Variants in ANKFN1 observed in about 807,000 individuals in gnomAD.
The protein encoded by ANKFN1 is ankyrin repeat and fibronectin type III domain containing 1.
A neutral mutation model predicts 108.7 loss-of-function variants in ANKFN1; 74 were observed. That is an observed-to-expected ratio of 0.68 (90% CI 0.56 to 0.83). The LOEUF is 0.83. Ranked by LOEUF, ANKFN1 falls within the 40% of genes least tolerant of loss-of-function variation. The probability of loss-of-function intolerance (pLI) is 0.00; values close to 1 mark genes in which losing one functional copy is unlikely to be tolerated. For synonymous variants in ANKFN1, 547 were observed against 516.2 expected (o/e 1.06, Z -0.81); for missense variants, 1,505 against 1,382.3 (o/e 1.09, Z -1.41).
chr17:56,087,427 C>T (rs1375446009), intron 4 of ANKFN1, among the ~76,000 whole-genome samples: 1 of 151,330 alleles, frequency 6.6e-6, no homozygotes, highest in Non-Finnish European at 1.5e-5. Context: ...GTTTCTTTAT[C>T]CGGGCAGTGT....
intron 8 of ANKFN1, among the ~76,000 whole-genome samples, chr17:56,377,322 T>A (rs954791814): frequency 6.6e-6 from 1 of 152,222 alleles, no homozygotes. Context: ...TTTAAGAGCA[T>A]CACTTTTTAA....
chr17:56,110,094 T>C lies in ANKFN1; in HGVS notation c.288+63769T>C, dbSNP rs144563190. On this transcript the variant is annotated intron_variant, in intron 4 of 12. Coordinates refer to the ANKFN1 transcript ENST00000635860. ...CCAATATTGTTGGCCAGTTGAAGAT[T>C]CCTGTTATTATTTAACAACAACAGC... is the stretch of plus-strand genomic sequence containing the variant. Among the ~76,000 whole-genome samples the C allele has an allele frequency of 9.2e-5, 14 of 152,332 alleles. No homozygotes were observed. In the East Asian group the frequency reaches 2.5e-3, roughly 27 times the overall value.
chr17:56,203,028 C>G (rs1014791845), intron 1 of ANKFN1, among the ~76,000 whole-genome samples: 3 of 152,092 alleles, frequency 2.0e-5, no homozygotes, highest in Non-Finnish European at 4.4e-5. Flanking sequence ...TCTAAACTTT[C>G]TGTAACTGCT....
At chr17:56,358,720 G>A (rs753353326) in intron 6 of ANKFN1, among the ~76,000 whole-genome samples, 35 of 152,134 alleles carry the variant, frequency 2.3e-4, no homozygotes, top group Middle Eastern at 3.2e-3. Context: ...TGAAAGGACT[G>A]CAACTAGGAA....
intron 8 of ANKFN1, among the ~76,000 whole-genome samples, chr17:56,384,141 G>C (rs2047189529): frequency 6.6e-6 from 1 of 152,082 alleles, no homozygotes; most frequent in Admixed American, 6.6e-5. Flanking sequence ...TGATCAAGTG[G>C]GCTTCATCCC....
At chr17:56,429,705 A>C (rs2048691191) in intron 8 of ANKFN1, among the ~76,000 whole-genome samples, 1 of 152,138 alleles carries the variant, frequency 6.6e-6, no homozygotes. Context: ...TTGTGATAGG[A>C]TTTATGCTTT....
chr17:56,333,933 C>T (rs1456601987), intron 4 of ANKFN1, among the ~76,000 whole-genome samples: 3 of 152,070 alleles, frequency 2.0e-5, no homozygotes, highest in African/African-American at 4.8e-5. Context: ...TTTGACCAAC[C>T]GTGTGTTTCC....
At chr17:56,466,594 C>T (rs1029940474) in intron 15 of ANKFN1, 23 bp downstream of exon 15, 1 of 1,565,650 alleles carries the variant, frequency 6.4e-7, no homozygotes, top group Non-Finnish European at 8.7e-7. Context: ...TTTCTTAATT[C>T]CCGGGTATAC....
chr17:56,094,727 G>A lies in ANKFN1; in HGVS notation c.288+48402G>A, dbSNP rs375221080. Among the ~76,000 whole-genome samples, 184 of 131,858 alleles carry A rather than the reference G, an allele frequency of 1.4e-3. 3 individuals carry two copies. The highest frequency in any genetic ancestry group is 0.011 in the East Asian group (52 of 4,862). 86.5% of individuals were successfully genotyped at this position (131,858 alleles called of 152,430 possible). On this transcript the variant is annotated intron_variant, in intron 4 of 12. Coordinates refer to the ANKFN1 transcript ENST00000635860. ...AGTAGAGACGGGGTTTCACCATGTT[G>A]GCCAGGATGGTCTTGATCTCCTGAC...
chr17:56,341,998 C>T (rs1344488588), intron 4 of ANKFN1, among the ~76,000 whole-genome samples: 1 of 151,696 alleles, frequency 6.6e-6, no homozygotes, highest in East Asian at 1.9e-4. Flanking sequence ...TTATTGGCCT[C>T]TTCAGGGATT....
intron 3 of ANKFN1, among the ~76,000 whole-genome samples, chr17:56,284,427 G>A (rs1486629014): frequency 6.6e-6 from 1 of 151,900 alleles, no homozygotes; most frequent in African/African-American, 2.4e-5. Context: ...TTCTTCACAA[G>A]TAAACACATA....
chr17:56,227,259 G>C (rs1029476425), intron 2 of ANKFN1, among the ~76,000 whole-genome samples: 1 of 152,054 alleles, frequency 6.6e-6, no homozygotes, highest in African/African-American at 2.4e-5. Context: ...GAATTGTCTG[G>C]TGGGCTGCCA....
At position 56,122,549 on chromosome 17, in the gene ANKFN1, C is replaced by T. The variant is rs1179649009; in HGVS notation, c.288+76224C>T. ...AATGGATAGATTGTTCATCCCTGTCCACATCTCAAACTCAGGATCCCACAG... is the reference window on the plus strand; with the variant it reads ...AATGGATAGATTGTTCATCCCTGTCTACATCTCAAACTCAGGATCCCACAG... On this transcript the variant is annotated intron_variant, in intron 4 of 12. Coordinates refer to the ANKFN1 transcript ENST00000635860. 2.0e-5 allele frequency among the ~76,000 whole-genome samples: 3 copies of T among 152,064 alleles called. 1 individual carries two copies. Among genetic ancestry groups the T allele is most frequent in the Non-Finnish European group, 4.4e-5 (3 of 68,020 alleles).
chr17:56,490,432 A>AAT (rs1338897095), intron 18 of ANKFN1, among the ~76,000 whole-genome samples: 1 of 151,952 alleles, frequency 6.6e-6, no homozygotes, highest in Non-Finnish European at 1.5e-5. Context: ...AAGGACTCAT[A>AAT]ATAAGTTCAG....
At chr17:56,115,534 T>C (rs1482406471) in intron 4 of ANKFN1, among the ~76,000 whole-genome samples, 1 of 152,158 alleles carries the variant, frequency 6.6e-6, no homozygotes, top group Admixed American at 6.5e-5. Context: ...GTAATAACCA[T>C]GCAGAAAACA....
chr17:56,315,747 C>T (rs2045185787), intron 3 of ANKFN1, among the ~76,000 whole-genome samples: 1 of 152,148 alleles, frequency 6.6e-6, no homozygotes, highest in African/African-American at 2.4e-5. Flanking sequence ...AGACTCTGCT[C>T]TATCTGATTT....
At chr17:56,070,024 G>A (rs77012621) in intron 4 of ANKFN1, among the ~76,000 whole-genome samples, 1,635 of 152,280 alleles carry the variant, frequency 0.011, 13 homozygotes, top group Non-Finnish European at 0.016. Context: ...TCACTCTCTT[G>A]CCCATCTTGG....
At chr17:56,079,926 TAATA>T (rs1221273776) in intron 4 of ANKFN1, among the ~76,000 whole-genome samples, 2 of 151,998 alleles carry the variant, frequency 1.3e-5, no homozygotes, top group African/African-American at 4.8e-5. Flanking sequence ...AATCTATTTA[TAATA>T]AATAAATTAA....
chr17:56,282,934 A>G (rs539454720), intron 3 of ANKFN1, among the ~76,000 whole-genome samples: 1 of 152,320 alleles, frequency 6.6e-6, no homozygotes, highest in African/African-American at 2.4e-5. Context: ...ATGGTAGCAG[A>G]TGGAAAGGAA....
Sources: allele counts gnomAD v4.1 joint callset (sites outside exome capture counted in the v4.1 genomes callset), GRCh38; gene constraint gnomAD v4.1.1; transcripts MANE v1.5; gene names NCBI Gene and HGNC (gene_info 2026-07-23, HGNC 2026-07-21).